The following KCNQ5 variants were observed in gnomAD, a reference collection of about 807,000 sequenced individuals.
The protein encoded by KCNQ5 is potassium voltage-gated channel subfamily KQT member 5.
In KCNQ5, 30 loss-of-function variants were observed where a neutral mutation model predicts 98.2. The ratio of observed to expected loss-of-function variants is 0.31; its 90% CI spans 0.23 to 0.41. The LOEUF (loss-of-function observed/expected upper bound fraction) is 0.41, where lower values mean the gene tolerates loss of function less well. KCNQ5 is among the 10% of genes least tolerant of loss of function. The pLI, the probability that KCNQ5 is intolerant of heterozygous loss-of-function variation, is 1.00. For missense variants in KCNQ5, 835 were observed against 1,182.5 expected (o/e 0.71, Z 4.31); for synonymous variants, 458 against 449.4 (o/e 1.02, Z -0.24).
chr6:72,725,502 T>C (rs564169199), intron 1 of KCNQ5, among the ~76,000 whole-genome samples: 1 of 152,228 alleles, frequency 6.6e-6, no homozygotes, highest in South Asian at 2.1e-4. Flanking sequence ...AGAATAGTGG[T>C]TGCCAGAGGC....
chr6:72,651,310 A>T lies in KCNQ5; in HGVS notation c.398+28723A>T, dbSNP rs567899079. ...TTAGTTGAACTGAGTGAATGAAAGG[A>T]TGGACAGATGGATGCATAGATAGAT... On this transcript the variant is annotated intron_variant, in intron 1 of 13. Coordinates refer to ENST00000370398, the MANE Select transcript of KCNQ5 (RefSeq NM_019842.4). Among the ~76,000 whole-genome samples, 296 of 152,224 alleles carry T rather than the reference A, an allele frequency of 1.9e-3. 2 individuals are homozygous for T. Among genetic ancestry groups the T allele is most frequent in the African/African-American group, 6.8e-3 (284 of 41,552 alleles).
intron 5 of KCNQ5, among the ~76,000 whole-genome samples, chr6:73,103,508 A>G (rs2150417603): frequency 6.6e-6 from 1 of 152,160 alleles, no homozygotes; most frequent in Middle Eastern, 3.4e-3. Flanking sequence ...GAGGGGAGGG[A>G]TAGCATTAGG....
intron 13 of KCNQ5, among the ~76,000 whole-genome samples, chr6:73,193,590 C>G (rs1041976795): frequency 6.6e-6 from 1 of 151,438 alleles, no homozygotes; most frequent in Non-Finnish European, 1.5e-5. Context: ...GTTGCATCTT[C>G]ATATACAAAG....
rs145964508 is a variant in KCNQ5, at chr6:72,684,390, T to C, written c.398+61803T>C. On this transcript the variant is annotated intron_variant, in intron 1 of 13. Transcript: ENST00000370398. ...TACACCGACAAAGTATTGTGGTTTC[T>C]TCCCAAGAAACTATTTCTTAACTAT... Among the ~76,000 whole-genome samples the C allele has an allele frequency of 2.5e-4, 38 of 152,346 alleles. 2 individuals are homozygous for C. The East Asian group carries it at 7.3e-3, about 29-fold the overall frequency.
At chr6:73,189,632 C>T (rs1187501668) in intron 11 of KCNQ5, among the ~76,000 whole-genome samples, 2 of 152,142 alleles carry the variant, frequency 1.3e-5, no homozygotes, top group African/African-American at 2.4e-5. Context: ...AAAACACCAA[C>T]GGATTTAAAT....
chr6:72,756,963 T>C lies in KCNQ5; in HGVS notation c.398+134376T>C, dbSNP rs375576646. Among the ~76,000 whole-genome samples, 11 of 152,236 alleles carry C rather than the reference T, an allele frequency of 7.2e-5. No homozygotes were observed. In the East Asian group the frequency reaches 2.1e-3, roughly 29 times the overall value. On this transcript the variant is annotated intron_variant, in intron 1 of 13. Transcript: ENST00000370398. Reference sequence around the variant, plus strand: ...ATTCTCTACAAATTCTTAAGTATAATTAAATCAGAATTAAGGTGATCATCT... The same window carrying C: ...ATTCTCTACAAATTCTTAAGTATAACTAAATCAGAATTAAGGTGATCATCT...
chr6:72,669,020 C>G (rs1207284159), intron 1 of KCNQ5, among the ~76,000 whole-genome samples: 2 of 152,106 alleles, frequency 1.3e-5, no homozygotes, highest in East Asian at 1.9e-4. Context: ...TGACATTCCA[C>G]CCCTGGCCCC....
chr6:72,992,822 G>A (rs1393833664), intron 1 of KCNQ5, among the ~76,000 whole-genome samples: 1 of 108,766 alleles, frequency 9.2e-6, no homozygotes, highest in Admixed American at 9.2e-5. Context: ...CATGTTTAGC[G>A]CTTCCTTCAA....
chr6:73,134,088 C>G (rs1379449563), intron 10 of KCNQ5: 3 of 431,372 alleles, frequency 7.0e-6, no homozygotes, highest in African/African-American at 6.1e-5. Context: ...CTCTTTCCCT[C>G]TCTCACACAC....
At chr6:73,141,202 G>A (rs1042861874) in intron 10 of KCNQ5, among the ~76,000 whole-genome samples, 1 of 152,204 alleles carries the variant, frequency 6.6e-6, no homozygotes, top group Non-Finnish European at 1.5e-5. Flanking sequence ...GATGGAAAGG[G>A]CGAGGTTCCT....
At chr6:73,147,438 T>C (rs1776968930) in intron 10 of KCNQ5, among the ~76,000 whole-genome samples, 3 of 152,178 alleles carry the variant, frequency 2.0e-5, no homozygotes, top group Admixed American at 2.0e-4. Context: ...GTTATATGCT[T>C]ATACAAACTT....
At chr6:73,021,170 C>T (rs1417225247) in intron 2 of KCNQ5, among the ~76,000 whole-genome samples, 1 of 152,168 alleles carries the variant, frequency 6.6e-6, no homozygotes, top group African/African-American at 2.4e-5. Flanking sequence ...GGGTTCAACA[C>T]AGCTCAGAGG....
chr6:72,802,023 A>T (rs1285770989), intron 1 of KCNQ5, among the ~76,000 whole-genome samples: 3 of 151,874 alleles, frequency 2.0e-5, no homozygotes, highest in Non-Finnish European at 2.9e-5. Context: ...CTTCCCTTTG[A>T]GGGTAACCCG....
chr6:73,054,126 C>G (rs1772358965), intron 3 of KCNQ5, among the ~76,000 whole-genome samples: 1 of 152,094 alleles, frequency 6.6e-6, no homozygotes, highest in Non-Finnish European at 1.5e-5. Flanking sequence ...AACATACAAC[C>G]TTCCAAGATT....
At chr6:72,662,602 A>G (rs1017396139) in intron 1 of KCNQ5, among the ~76,000 whole-genome samples, 1 of 127,880 alleles carries the variant, frequency 7.8e-6, no homozygotes, top group Admixed American at 8.7e-5. Flanking sequence ...ACTTGGAAAT[A>G]ACTTTTTTTT....
rs568074404 is a variant in KCNQ5, at chr6:72,960,056, T to C, written c.399-43852T>C. Among the ~76,000 whole-genome samples the C allele has an allele frequency of 1.7e-3, 260 of 152,354 alleles. 1 individual carries two copies. Among genetic ancestry groups the C allele is most frequent in the Non-Finnish European group, 2.9e-3 (199 of 68,042 alleles). ...TTTGCGTATGCTGAGTTTTTATCTCTAACAGAGTAGGATCATACTGAAAGA... is the reference window on the plus strand; with the variant it reads ...TTTGCGTATGCTGAGTTTTTATCTCCAACAGAGTAGGATCATACTGAAAGA... On this transcript the variant is annotated intron_variant, in intron 1 of 13. Coordinates refer to ENST00000370398, the MANE Select transcript of KCNQ5 (RefSeq NM_019842.4).
chr6:72,811,775 C>T (rs1444588164), intron 1 of KCNQ5, among the ~76,000 whole-genome samples: 1 of 152,142 alleles, frequency 6.6e-6, no homozygotes, highest in Non-Finnish European at 1.5e-5. Context: ...GTTCTTGAAT[C>T]TCACACAAGA....
At chr6:73,080,357 A>G (rs1458767141) in intron 5 of KCNQ5, among the ~76,000 whole-genome samples, 1 of 152,176 alleles carries the variant, frequency 6.6e-6, no homozygotes, top group Non-Finnish European at 1.5e-5. Flanking sequence ...TTTATAAGAG[A>G]TCAAACTTCG....
intron 1 of KCNQ5, among the ~76,000 whole-genome samples, chr6:72,655,028 CTTT>C (rs1766084995): frequency 2.2e-5 from 1 of 46,370 alleles, no homozygotes; most frequent in South Asian, 7.3e-4. Flanking sequence ...GTCTGTCTGT[CTTT>C]CTTTCTTTCT....
Sources: allele counts gnomAD v4.1 joint callset (sites outside exome capture counted in the v4.1 genomes callset), GRCh38; gene constraint gnomAD v4.1.1; transcripts MANE v1.5; gene names NCBI Gene and HGNC (gene_info 2026-07-23, HGNC 2026-07-21).